The following CDH8 variants were observed in gnomAD, a reference collection of about 807,000 sequenced individuals.
The protein encoded by CDH8 is cadherin-8.
Under a neutral mutation model 68.1 loss-of-function variants are expected in CDH8, and 17 were observed. That is an observed-to-expected ratio of 0.25 (90% CI 0.17 to 0.37). The LOEUF (loss-of-function observed/expected upper bound fraction) is 0.37. Among genes scored for constraint, CDH8 ranks in the 10% least tolerant of loss-of-function variants. The pLI, the probability that CDH8 is intolerant of heterozygous loss-of-function variation, is 1.00. For synonymous variants in CDH8, 372 were observed against 365.1 expected (o/e 1.02, Z -0.21); for missense variants, 763 against 999.3 (o/e 0.76, Z 3.19).
chr16:61,704,036 A>T (rs900989525), intron 10 of CDH8, among the ~76,000 whole-genome samples: 8 of 152,194 alleles, frequency 5.3e-5, no homozygotes, highest in Admixed American at 6.5e-5. Context: ...GCAAGGTCTT[A>T]TGATCATACG....
intron 8 of CDH8, among the ~76,000 whole-genome samples, chr16:61,755,583 A>C (rs2142956860): frequency 6.6e-6 from 1 of 152,174 alleles, no homozygotes. Context: ...AAATATATTA[A>C]ATTTTATACA....
intron 2 of CDH8, chr16:61,940,759 A>G (rs1474632224): frequency 2.0e-5 from 3 of 152,236 alleles, no homozygotes; most frequent in African/African-American, 7.2e-5. Context: ...CCTAAAGTCT[A>G]CCTGGATCTG....
At chr16:61,781,674 A>G (rs1363162351) in intron 8 of CDH8, among the ~76,000 whole-genome samples, 4 of 152,192 alleles carry the variant, frequency 2.6e-5, no homozygotes, top group African/African-American at 9.6e-5. Flanking sequence ...ATTATTGACT[A>G]TCCACATTAA....
chr16:61,921,814 G>A (rs754728292), intron 2 of CDH8, among the ~76,000 whole-genome samples: 3 of 152,086 alleles, frequency 2.0e-5, no homozygotes, highest in Non-Finnish European at 2.9e-5. Flanking sequence ...GGCAGATCAC[G>A]AGGTCAGGAG....
At chr16:61,890,300 T>TAA (rs1385570749) in intron 3 of CDH8, among the ~76,000 whole-genome samples, 1 of 152,148 alleles carries the variant, frequency 6.6e-6, no homozygotes, top group Non-Finnish European at 1.5e-5. Context: ...AAATAAAACT[T>TAA]AAGCATTAGC....
intron 2 of CDH8, among the ~76,000 whole-genome samples, chr16:62,002,311 TAA>T (rs1253367383): frequency 1.3e-5 from 2 of 152,236 alleles, no homozygotes; most frequent in African/African-American, 4.8e-5. Context: ...AACTTTTTTA[TAA>T]GAGACTATAT....
At chr16:61,955,612 C>CT (rs1312700987) in intron 2 of CDH8, among the ~76,000 whole-genome samples, 2 of 151,814 alleles carry the variant, frequency 1.3e-5, no homozygotes, top group Admixed American at 6.6e-5. Context: ...TTTTTTCTTT[C>CT]TTTTTTTTAA....
At chr16:61,923,000 T>C (rs889276553) in intron 2 of CDH8, among the ~76,000 whole-genome samples, 1 of 152,206 alleles carries the variant, frequency 6.6e-6, no homozygotes, top group African/African-American at 2.4e-5. Flanking sequence ...ATTTTCCTTA[T>C]GCTAAAACCA....
chr16:61,874,263 G>C (rs1963421333), intron 3 of CDH8, among the ~76,000 whole-genome samples: 1 of 152,114 alleles, frequency 6.6e-6, no homozygotes, highest in South Asian at 2.1e-4. Flanking sequence ...AGGCTAGGCT[G>C]AGCTATGATG....
chr16:61,739,937 C>T (rs1247414382), intron 8 of CDH8, among the ~76,000 whole-genome samples: 1 of 101,866 alleles, frequency 9.8e-6, no homozygotes, highest in Non-Finnish European at 1.9e-5. Flanking sequence ...GAGACAAAGT[C>T]TTGCTCTGTC....
intron 2 of CDH8, among the ~76,000 whole-genome samples, chr16:61,995,187 A>G (rs1965788526): frequency 6.6e-6 from 1 of 152,204 alleles, no homozygotes; most frequent in South Asian, 2.1e-4. Flanking sequence ...ATTTCTTGTG[A>G]TAGAAGATTA....
rs139611381 is a variant in CDH8 at position 61,742,344 on chromosome 16, C to T, written c.1415-15129G>A. ...CCGATATTTATGCTTTTATTTCTTC[C>T]TCGAACCTTATTGTATTGACTAAAA... On this transcript the variant is annotated intron_variant, in intron 8 of 11. Transcript: ENST00000577390. 1.4e-3 allele frequency among the ~76,000 whole-genome samples: 213 copies of T among 151,910 alleles called. 4 individuals carry two copies. The South Asian group carries it at 0.015, about 10-fold the overall frequency.
intron 4 of CDH8, among the ~76,000 whole-genome samples, chr16:61,827,216 T>A (rs1170066598): frequency 2.0e-5 from 3 of 151,924 alleles, no homozygotes; most frequent in East Asian, 1.9e-4. Flanking sequence ...TAAAAAAGAT[T>A]GAAAACATTG....
intron 7 of CDH8, among the ~76,000 whole-genome samples, chr16:61,816,649 G>T (rs1242282076): frequency 6.6e-6 from 1 of 152,082 alleles, no homozygotes. Context: ...CACCCTTGGA[G>T]ACCAGCATAG....
chr16:61,997,866 A>G (rs1314371874), intron 2 of CDH8, among the ~76,000 whole-genome samples: 1 of 152,216 alleles, frequency 6.6e-6, no homozygotes, highest in East Asian at 1.9e-4. Context: ...CCAAAAATAC[A>G]AATTTCAAGA....
At chr16:61,709,701 G>C (rs769594648) in intron 10 of CDH8, among the ~76,000 whole-genome samples, 1 of 151,394 alleles carries the variant, frequency 6.6e-6, no homozygotes, top group Non-Finnish European at 1.5e-5. Flanking sequence ...AGAAACCTGA[G>C]TTTCGTTTTG....
chr16:61,653,395 T>G lies in CDH8; in HGVS notation c.*213A>C. On this transcript the variant is annotated 3_prime_UTR_variant, in exon 12 of 12. Coordinates refer to ENST00000577390, the MANE Select transcript of CDH8 (RefSeq NM_001796.5). ...AAGGACTTCTAGACACTCCACATAC[T>G]TAATTCACACTCCACAAGATTTATA... The G allele has an allele frequency of 7.4e-7, 1 of 1,359,570 alleles. No individual in the cohort carries two copies. Among genetic ancestry groups the G allele is most frequent in the South Asian group, 2.0e-5 (1 of 49,442 alleles). 84.2% of individuals were successfully genotyped at this position (1,359,570 alleles called of 1,614,324 possible).
intron 8 of CDH8, among the ~76,000 whole-genome samples, chr16:61,727,942 T>C (rs1030165619): frequency 6.6e-6 from 1 of 151,102 alleles, no homozygotes; most frequent in Non-Finnish European, 1.5e-5. Context: ...TATGCACACA[T>C]ACACACAGAA....
chr16:61,729,101 T>C (rs1280742741), intron 8 of CDH8, among the ~76,000 whole-genome samples: 1 of 151,126 alleles, frequency 6.6e-6, no homozygotes, highest in East Asian at 2.0e-4. Flanking sequence ...GCACAAAAAA[T>C]CTATGAAGTA....
Sources: gnomAD v4.1 joint callset for allele counts (sites outside exome capture counted in the v4.1 genomes callset) on GRCh38, gnomAD v4.1.1 for gene constraint, MANE v1.5 for transcripts, NCBI Gene and HGNC (gene_info 2026-07-23, HGNC 2026-07-21) for gene names.